DIS3L2: variants seen among roughly 807,000 people sequenced by gnomAD.
The protein encoded by DIS3L2 is DIS3-like exonuclease 2.
In DIS3L2, 34 loss-of-function variants were observed where a neutral mutation model predicts 97.5. That is an observed-to-expected ratio of 0.35 (90% CI 0.27 to 0.46). The LOEUF is 0.46. Among genes scored for constraint, DIS3L2 ranks in the 20% least tolerant of loss-of-function variants. The pLI is 1.00. For synonymous variants in DIS3L2, 435 were observed against 445.2 expected (o/e 0.98, Z 0.29); for missense variants, 1,038 against 1,146.0 (o/e 0.91, Z 1.36).
chr2:232,004,006 G>A (rs932584460), intron 1 of DIS3L2, among the ~76,000 whole-genome samples: 1 of 152,092 alleles, frequency 6.6e-6, no homozygotes, highest in African/African-American at 2.4e-5. Context: ...AATCTGGGAT[G>A]TTTTTAGCCA....
rs147524359 is a variant in DIS3L2 at position 232,336,907 on chromosome 2, C to G, written c.*277C>G. 3 of 1,266,760 alleles carry G rather than the reference C, an allele frequency of 2.4e-6. No individual in the cohort carries two copies. The highest frequency in any genetic ancestry group is 3.1e-5 in the African/African-American group (2 of 65,256). 78.5% of individuals were successfully genotyped at this position (1,266,760 alleles called of 1,614,324 possible). On this transcript the variant is annotated 3_prime_UTR_variant, in exon 21 of 21. Transcript: ENST00000325385. ...CCCCTTTTTTCTGGGCCCTACTGCC[C>G]TCCTCTGCCCAGGAAATGGGGGGGT...
At chr2:232,101,207 TG>T (rs1697195214) in intron 6 of DIS3L2, among the ~76,000 whole-genome samples, 1 of 149,878 alleles carries the variant, frequency 6.7e-6, no homozygotes, top group South Asian at 2.2e-4. Context: ...CACTCCAGCC[TG>T]GGTGATAGAG....
intron 8 of DIS3L2, among the ~76,000 whole-genome samples, chr2:232,158,220 G>A (rs1357331542): frequency 1.3e-5 from 2 of 152,032 alleles, no homozygotes; most frequent in Admixed American, 6.5e-5. Flanking sequence ...TAATGCTATC[G>A]TGTCCATTTA....
chr2:232,339,469 C>T (rs1488496416), downstream of DIS3L2, among the ~76,000 whole-genome samples: 4 of 152,324 alleles, frequency 2.6e-5, no homozygotes, highest in Admixed American at 2.6e-4. Context: ...AGAGGCCTGA[C>T]AGGGACAGGC....
chr2:232,082,932 G>A (rs571201495), intron 5 of DIS3L2, among the ~76,000 whole-genome samples: 2 of 152,150 alleles, frequency 1.3e-5, no homozygotes, highest in African/African-American at 2.4e-5. Flanking sequence ...CCTTCCAGTC[G>A]TGGCAGAAGG....
intron 5 of DIS3L2, among the ~76,000 whole-genome samples, chr2:232,086,307 A>G (rs901001918): frequency 9.5e-5 from 14 of 147,604 alleles, no homozygotes; most frequent in African/African-American, 3.3e-4. Flanking sequence ...ATATATACAT[A>G]TGTATATGTA....
At chr2:232,158,933 CT>C (rs1690575268) in intron 8 of DIS3L2, among the ~76,000 whole-genome samples, 1 of 151,988 alleles carries the variant, frequency 6.6e-6, no homozygotes, top group Non-Finnish European at 1.5e-5. Context: ...AAGTATTCGT[CT>C]TGTACTCACA....
At chr2:232,041,059 C>T (rs1695098653) in intron 5 of DIS3L2, among the ~76,000 whole-genome samples, 1 of 152,142 alleles carries the variant, frequency 6.6e-6, no homozygotes, top group African/African-American at 2.4e-5. Context: ...GTGTTAGTCT[C>T]AGAAAATAAA....
intron 10 of DIS3L2, among the ~76,000 whole-genome samples, chr2:232,231,843 C>T (rs1692801863): frequency 6.6e-6 from 1 of 152,176 alleles, no homozygotes; most frequent in Non-Finnish European, 1.5e-5. Context: ...TACAGAGAGT[C>T]AGGAGGTAGT....
At chr2:232,254,252 T>TA (rs894144328) in intron 12 of DIS3L2, among the ~76,000 whole-genome samples, 31 of 148,504 alleles carry the variant, frequency 2.1e-4, no homozygotes, top group Admixed American at 4.7e-4. Flanking sequence ...ATCGGGTTAA[T>TA]AAAAAAAAAG....
chr2:232,254,731 G>T (rs1345898283), intron 12 of DIS3L2, among the ~76,000 whole-genome samples: 1 of 152,216 alleles, frequency 6.6e-6, no homozygotes, highest in African/African-American at 2.4e-5. Flanking sequence ...CTGTAACTCA[G>T]TTGGCCTCTG....
chr2:232,060,166 G>GT (rs923298210), intron 5 of DIS3L2, among the ~76,000 whole-genome samples: 10 of 151,702 alleles, frequency 6.6e-5, no homozygotes, highest in Non-Finnish European at 1.0e-4. Context: ...CATTTTGTGG[G>GT]TTTTTTTCCA....
intron 15 of DIS3L2, among the ~76,000 whole-genome samples, chr2:232,330,438 G>A (rs1176677366): frequency 1.3e-5 from 2 of 152,214 alleles, no homozygotes; most frequent in African/African-American, 2.4e-5. Context: ...CCCTGGGAGG[G>A]GAAGGCAGGT....
chr2:232,339,844 C>G (rs1696066449), downstream of DIS3L2: 1 of 407,916 alleles, frequency 2.5e-6, no homozygotes. Flanking sequence ...GAGGTCTCTT[C>G]TAGCCAGAAT....
intron 16 of DIS3L2, among the ~76,000 whole-genome samples, chr2:232,331,044 GCTACTGAGAC>G (rs1695722801): frequency 6.6e-6 from 1 of 152,230 alleles, no homozygotes; most frequent in Non-Finnish European, 1.5e-5. Context: ...GAGCTGAGGG[GCTACTGAGAC>G]CTCCTGTCAG....
At chr2:232,132,338 C>T (rs779664464) in intron 7 of DIS3L2, among the ~76,000 whole-genome samples, 9 of 152,240 alleles carry the variant, frequency 5.9e-5, no homozygotes, top group East Asian at 1.9e-4. Context: ...TATACGTTTC[C>T]GTGCTGTCAA....
chr2:232,013,804 C>T lies in DIS3L2; in HGVS notation c.-93-1031C>T, dbSNP rs1694278187. ...TTATATAAGGCCATCTCTTTCTCTC[C>T]CTTCTTTCAACTGGATTGGCTTTAT... On this transcript the variant is annotated intron_variant, in intron 1 of 20. Coordinates refer to ENST00000325385, the MANE Select transcript of DIS3L2 (RefSeq NM_152383.5). 2.6e-5 allele frequency among the ~76,000 whole-genome samples: 4 copies of T among 152,226 alleles called. No individual in the cohort carries two copies. The South Asian group carries it at 8.3e-4, about 32-fold the overall frequency.
chr2:232,315,862 A>G (rs908148493), intron 14 of DIS3L2, among the ~76,000 whole-genome samples: 3 of 152,186 alleles, frequency 2.0e-5, no homozygotes, highest in African/African-American at 7.2e-5. Context: ...GGCTGAGATG[A>G]ACAACATAGA....
At chr2:232,163,285 CAT>C (rs1690706866) in intron 8 of DIS3L2, among the ~76,000 whole-genome samples, 172 bp from the exon 9 acceptor site, 1 of 152,168 alleles carries the variant, frequency 6.6e-6, no homozygotes, top group Non-Finnish European at 1.5e-5. Context: ...AGGAGAAGAG[CAT>C]TACTGTGTCT....
Sources: gnomAD v4.1 joint callset for allele counts (sites outside exome capture counted in the v4.1 genomes callset) on GRCh38, gnomAD v4.1.1 for gene constraint, MANE v1.5 for transcripts, NCBI Gene and HGNC (gene_info 2026-07-23, HGNC 2026-07-21) for gene names.